MEIS1: variants seen among roughly 807,000 people sequenced by gnomAD.
The protein encoded by MEIS1 is Meis homeobox 1, also known as homeobox protein Meis1.
In MEIS1, 5 loss-of-function variants were observed where a neutral mutation model predicts 50.8. The ratio of observed to expected loss-of-function variants is 0.10; its 90% confidence interval spans 0.05 to 0.21. MEIS1 has a LOEUF of 0.21. Ranked by LOEUF, MEIS1 falls within the 10% of genes least tolerant of loss-of-function variation. The pLI is 1.00. For synonymous variants in MEIS1, 176 were observed against 179.3 expected (o/e 0.98, Z 0.15); for missense variants, 318 against 517.3 (o/e 0.61, Z 3.74).
At chr2:66,453,517 C>T (rs1672320769) in intron 6 of MEIS1, among the ~76,000 whole-genome samples, 1 of 151,846 alleles carries the variant, frequency 6.6e-6, no homozygotes, top group Admixed American at 6.6e-5. Context: ...TTGAGAAAGG[C>T]CTCCCTGATT....
Position 66,437,760 on chromosome 2 carries a change from G to A in MEIS1, c.36G>A (p.Gly12=). Residue 12 remains glycine, a synonymous_variant, in exon 2 of 13, where the codon GGG becomes GGA. Transcript: ENST00000272369. ...AQRYDDLPHY[G]GMDGVGIPST... ...AGTACGACGATCTACCCCATTACGGGGGCATGGATGGAGTAGGCATCCCCT... is the reference window on the plus strand; with the variant it reads ...AGTACGACGATCTACCCCATTACGGAGGCATGGATGGAGTAGGCATCCCCT... The A allele has an allele frequency of 6.2e-7, 1 of 1,613,766 alleles. No homozygotes were observed. The highest frequency in any genetic ancestry group is 8.5e-7 in the Non-Finnish European group (1 of 1,179,860).
Position 66,437,877 on chromosome 2 carries a change from G to A in MEIS1, c.153G>A (p.Pro51=), listed in dbSNP as rs747729347. The change falls in exon 2 of 13, where the codon CCG becomes CCA. Residue 51 remains proline, a synonymous_variant. Coordinates refer to ENST00000272369, the MANE Select transcript of MEIS1 (RefSeq NM_002398.3). ...CTCCTCTGCACTCGCATCAGTACCC[G>A]CACACAGCTCATACCAACGCCATGG... ...HGPPLHSHQY[P]HTAHTNAMAP... is the part of the protein sequence containing the mutation. The A allele has an allele frequency of 1.1e-5, 17 of 1,611,864 alleles. No homozygotes were observed. Among genetic ancestry groups the A allele is most frequent in the Non-Finnish European group, 6.8e-6 (8 of 1,178,968 alleles).
At chr2:66,453,588 G>A (rs750489668) in intron 6 of MEIS1, among the ~76,000 whole-genome samples, 27 of 152,054 alleles carry the variant, frequency 1.8e-4, no homozygotes, top group South Asian at 2.1e-4. Context: ...CAAATTTAAC[G>A]TTGTCAGTGG....
chr2:66,541,021 A>C (rs1674637603), intron 8 of MEIS1, among the ~76,000 whole-genome samples: 1 of 151,330 alleles, frequency 6.6e-6, no homozygotes, highest in Non-Finnish European at 1.5e-5. Context: ...ATTTTATTTT[A>C]TTTTATTTTA....
At chr2:66,462,028 A>G in intron 6 of MEIS1, 4 of 349,528 alleles carry the variant, frequency 1.1e-5, no homozygotes, top group South Asian at 1.0e-4. Flanking sequence ...CCTGCACAGT[A>G]GAAAAGTGGG....
chr2:66,526,791 AC>A (rs540716634), intron 8 of MEIS1, among the ~76,000 whole-genome samples: 37 of 152,268 alleles, frequency 2.4e-4, no homozygotes, highest in Non-Finnish European at 4.7e-4. Context: ...ACATATAGCT[AC>A]CCCCTCTTAA....
intron 8 of MEIS1, among the ~76,000 whole-genome samples, chr2:66,536,319 C>G (rs994654482): frequency 3.3e-5 from 5 of 152,092 alleles, no homozygotes; most frequent in African/African-American, 9.7e-5. Flanking sequence ...AAATAAAAAG[C>G]TTAATTTTGT....
intron 12 of MEIS1, chr2:66,570,210 A>T (rs1048179478): frequency 6.6e-6 from 1 of 152,174 alleles, no homozygotes; most frequent in South Asian, 2.1e-4. Context: ...AAAACATTCC[A>T]TTGAGCTGGG....
At chr2:66,501,496 T>G (rs568772284) in intron 7 of MEIS1, among the ~76,000 whole-genome samples, 1 of 124,172 alleles carries the variant, frequency 8.1e-6, no homozygotes, top group Admixed American at 7.8e-5. Context: ...AAAATCTGTG[T>G]TTTTTTTTTC....
intron 9 of MEIS1, among the ~76,000 whole-genome samples, chr2:66,551,690 T>G (rs1030904274): frequency 4.6e-5 from 7 of 151,950 alleles, no homozygotes; most frequent in African/African-American, 1.4e-4. Flanking sequence ...CCATAACTAG[T>G]TGTCTAAATA....
At chr2:66,440,491 G>A (rs1027397424) in intron 3 of MEIS1, 71 bp from the exon 4 acceptor site, 2 of 1,356,610 alleles carry the variant, frequency 1.5e-6, no homozygotes, top group African/African-American at 1.4e-5. Flanking sequence ...CTAGGAAGGC[G>A]ACCAGATTTC....
intron 8 of MEIS1, among the ~76,000 whole-genome samples, chr2:66,525,054 A>G (rs1424018818): frequency 1.3e-5 from 2 of 152,110 alleles, no homozygotes; most frequent in Non-Finnish European, 2.9e-5. Context: ...TCTCTACAAA[A>G]ATACAAAACT....
intron 6 of MEIS1, among the ~76,000 whole-genome samples, chr2:66,459,357 AT>A (rs897476905): frequency 6.6e-6 from 1 of 152,122 alleles, no homozygotes; most frequent in East Asian, 1.9e-4. Context: ...CCTTGGGGAG[AT>A]TATGAAGGGC....
intron 12 of MEIS1, chr2:66,569,737 T>C (rs1276624664): frequency 6.5e-6 from 1 of 152,752 alleles, no homozygotes; most frequent in Non-Finnish European, 1.5e-5. Flanking sequence ...GAATACAAAA[T>C]AGAGGTGTGC....
intron 8 of MEIS1, among the ~76,000 whole-genome samples, chr2:66,522,788 C>T (rs7575081): frequency 2.0e-4 from 31 of 152,228 alleles, no homozygotes; most frequent in African/African-American, 6.5e-4. Flanking sequence ...TCTGGCAAGT[C>T]GGCTCAAAGC....
At chr2:66,490,846 T>C (rs909574728) in intron 7 of MEIS1, among the ~76,000 whole-genome samples, 1 of 152,200 alleles carries the variant, frequency 6.6e-6, no homozygotes, top group Non-Finnish European at 1.5e-5. Flanking sequence ...AAAATAGCAC[T>C]GTTAGTCCAT....
At chr2:66,534,547 T>A (rs1434864350) in intron 8 of MEIS1, among the ~76,000 whole-genome samples, 1 of 101,484 alleles carries the variant, frequency 9.9e-6, no homozygotes, top group African/African-American at 3.4e-5. Context: ...AAAAAAAAAA[T>A]TCTTTTAAAA....
chr2:66,491,447 C>T (rs557654183), intron 7 of MEIS1, among the ~76,000 whole-genome samples: 65 of 152,320 alleles, frequency 4.3e-4, no homozygotes, highest in African/African-American at 1.5e-3. Context: ...GGTATCCATT[C>T]CTATAGAAAA....
At position 66,568,421 on chromosome 2, in the gene MEIS1, AC is replaced by A; in HGVS notation, c.1025-245del. On this transcript the variant is annotated intron_variant, in intron 10 of 12. Coordinates refer to ENST00000272369, the MANE Select transcript of MEIS1 (RefSeq NM_002398.3). ...CCAACACCCATTATGTGGTCACCAG[AC>A]AAAACCCAAGCAGAAAGTTTCCACA... The A allele has an allele frequency of 1.5e-5, 6 of 396,256 alleles. 1 individual carries two copies. The South Asian group carries it at 1.6e-4, about 11-fold the overall frequency. 24.5% of individuals were successfully genotyped at this position (396,256 alleles called of 1,614,324 possible).
Sources: gnomAD v4.1 joint callset for allele counts (sites outside exome capture counted in the v4.1 genomes callset) on GRCh38, gnomAD v4.1.1 for gene constraint, MANE v1.5 for transcripts, NCBI Gene and HGNC (gene_info 2026-07-23, HGNC 2026-07-21) for gene names.